FAT3: variants seen among roughly 807,000 people sequenced by gnomAD.
FAT3 encodes FAT atypical cadherin 3.
FAT3 carries 95 observed loss-of-function variants against 310.2 expected under a neutral mutation model. The ratio of observed to expected loss-of-function variants is 0.31; its 90% CI spans 0.26 to 0.36. FAT3 has a LOEUF of 0.36. FAT3 is among the 10% of genes least tolerant of loss of function. FAT3 has a pLI of 1.00. For missense variants in FAT3, 5,408 were observed against 5,715.6 expected, an observed-to-expected ratio of 0.95 and a Z score of 1.74; for synonymous variants, 2,314 against 2,192.9, an observed-to-expected ratio of 1.06 and a Z score of -1.54.
rs372397029 is a variant in FAT3 at position 92,799,274 on chromosome 11, C to T, written c.6261C>T (p.Leu2087=). 3 of 1,613,758 alleles carry T rather than the reference C, an allele frequency of 1.9e-6. No individual in the cohort carries two copies. The African/African-American group carries it at 4.0e-5, about 22-fold the overall frequency. The change falls in exon 10 of 28, where the codon CTC becomes CTT. Residue 2087 remains leucine (L), a synonymous_variant. Coordinates refer to ENST00000525166, the MANE Select transcript of FAT3 (RefSeq NM_001367949.2). ...ACAATTCTCCAGTCTTTGTGGGCCT[C>T]CCATACTATGCTGCTGTTCAAGTGG... The part of the protein sequence containing the change: ...INDNSPVFVG[L]PYYAAVQVDA...
chr11:92,297,018 C>T (rs187839631), intron 1 of FAT3, among the ~76,000 whole-genome samples: 104 of 152,178 alleles, frequency 6.8e-4, no homozygotes, highest in African/African-American at 2.4e-3. Context: ...TAGAGCTTGA[C>T]TTTTAGTTAT....
At chr11:92,333,734 A>T (rs1947980629) in intron 1 of FAT3, among the ~76,000 whole-genome samples, 1 of 148,092 alleles carries the variant, frequency 6.8e-6, no homozygotes, top group Non-Finnish European at 1.5e-5. Context: ...CCTTAAAAGT[A>T]TTTTTTTTTT....
At chr11:92,312,463 A>G (rs1947333249) in intron 1 of FAT3, among the ~76,000 whole-genome samples, 2 of 152,198 alleles carry the variant, frequency 1.3e-5, no homozygotes, top group Non-Finnish European at 2.9e-5. Context: ...CTCTGAAAGT[A>G]GATGAATCAC....
At chr11:92,593,417 C>T (rs138361694) in intron 3 of FAT3, among the ~76,000 whole-genome samples, 34 of 151,504 alleles carry the variant, frequency 2.2e-4, no homozygotes, top group African/African-American at 5.8e-4. Context: ...CTGCAGTGCA[C>T]GTAACAGTTG....
At chr11:92,268,928 A>AT (rs11359060) in intron 1 of FAT3, among the ~76,000 whole-genome samples, 1 of 151,912 alleles carries the variant, frequency 6.6e-6, no homozygotes, top group Non-Finnish European at 1.5e-5. Context: ...TGAAGCTATT[A>AT]TTTTTTTCCA....
At position 92,504,817 on chromosome 11, in the gene FAT3, C is replaced by T. The variant is rs147413308; in HGVS notation, c.3293-19817C>T. Among the ~76,000 whole-genome samples the T allele has an allele frequency of 1.1e-3, 167 of 152,170 alleles. 1 individual carries two copies. Among genetic ancestry groups the T allele is most frequent in the African/African-American group, 3.8e-3 (158 of 41,526 alleles). ...GACAGAAGACGAATAAGACATTGCTCTCCTGTAAAACACTCATTCAATAGT... is the reference window on the plus strand; with the variant it reads ...GACAGAAGACGAATAAGACATTGCTTTCCTGTAAAACACTCATTCAATAGT... On this transcript the variant is annotated intron_variant, in intron 2 of 27. Transcript: ENST00000525166.
chr11:92,682,858 A>G (rs1209305660), intron 3 of FAT3, among the ~76,000 whole-genome samples: 2 of 152,062 alleles, frequency 1.3e-5, no homozygotes, highest in Non-Finnish European at 2.9e-5. Context: ...TGGGCAGATC[A>G]CCTGAGGTCA....
Position 92,456,492 on chromosome 11 carries a change from G to T in FAT3, c.3293-68142G>T, listed in dbSNP as rs151011042. 3.2e-3 allele frequency among the ~76,000 whole-genome samples: 492 copies of T among 152,174 alleles called. 1 individual carries two copies. Among genetic ancestry groups the T allele is most frequent in the Non-Finnish European group, 6.0e-3 (407 of 68,000 alleles). ...AAAAATCACGCAAAACAGCACCACAGAAACTTTTGTTTTCTTATTATAAAA... is the reference window on the plus strand; with the variant it reads ...AAAAATCACGCAAAACAGCACCACATAAACTTTTGTTTTCTTATTATAAAA... On this transcript the variant is annotated intron_variant, in intron 2 of 27. Transcript: ENST00000525166.
chr11:92,792,705 G>T (rs758340515), intron 8 of FAT3, 62 bp from the exon 9 acceptor site: 10 of 1,513,410 alleles, frequency 6.6e-6, no homozygotes, highest in African/African-American at 1.4e-5. Context: ...CCCAAACATA[G>T]CCATGTGAGT....
At chr11:92,318,378 TA>T (rs1947522802) in intron 1 of FAT3, among the ~76,000 whole-genome samples, 1 of 152,180 alleles carries the variant, frequency 6.6e-6, no homozygotes, top group Non-Finnish European at 1.5e-5. Flanking sequence ...TTGTAGCTCA[TA>T]CAGTTCTGGG....
chr11:92,348,159 A>G (rs1050492229), intron 1 of FAT3, among the ~76,000 whole-genome samples: 1 of 152,054 alleles, frequency 6.6e-6, no homozygotes, highest in Non-Finnish European at 1.5e-5. Flanking sequence ...CTTTGCCACA[A>G]TAAAGATACA....
chr11:92,627,689 C>T (rs1941388378), intron 3 of FAT3, among the ~76,000 whole-genome samples: 2 of 152,166 alleles, frequency 1.3e-5, no homozygotes, highest in South Asian at 4.1e-4. Context: ...GGAATTTACT[C>T]TCTTTAGACG....
intron 3 of FAT3, among the ~76,000 whole-genome samples, chr11:92,604,212 A>C (rs1246676239): frequency 6.6e-6 from 1 of 152,238 alleles, no homozygotes; most frequent in African/African-American, 2.4e-5. Context: ...CTGAGCAGAT[A>C]GCAAAATATG....
At position 92,798,632 on chromosome 11, in the gene FAT3, G is replaced by C. The variant is rs757366551; in HGVS notation, c.5619G>C (p.Val1873=). 1 of 1,613,804 alleles carries C rather than the reference G, an allele frequency of 6.2e-7. No individual in the cohort carries two copies. Among genetic ancestry groups the C allele is most frequent in the South Asian group, 1.1e-5 (1 of 91,042 alleles). The change falls in exon 10 of 28, where the codon GTG becomes GTC. Residue 1873 remains valine, a synonymous_variant. Coordinates refer to ENST00000525166, the MANE Select transcript of FAT3 (RefSeq NM_001367949.2). ...AESPVEVNIE[V]TDVNDNPPVF... Reference sequence around the variant, plus strand: ...GTCCCGTTGAAGTCAACATTGAGGTGACAGATGTGAATGATAACCCACCTG... The same window carrying C: ...GTCCCGTTGAAGTCAACATTGAGGTCACAGATGTGAATGATAACCCACCTG...
chr11:92,809,208 C>T (rs145280761), intron 12 of FAT3, among the ~76,000 whole-genome samples: 74 of 152,272 alleles, frequency 4.9e-4, no homozygotes, highest in Non-Finnish European at 8.7e-4. Flanking sequence ...ACTGCTTTTC[C>T]ATGCTCCTCA....
At chr11:92,813,766 T>C (rs1172568771) in intron 13 of FAT3, among the ~76,000 whole-genome samples, 3 of 152,246 alleles carry the variant, frequency 2.0e-5, no homozygotes, top group Non-Finnish European at 4.4e-5. Flanking sequence ...CTGCTGAAGA[T>C]CATTGGCTAC....
intron 19 of FAT3, 51 bp downstream of exon 19, chr11:92,844,783 G>T: frequency 1.4e-6 from 2 of 1,446,722 alleles, no homozygotes; most frequent in South Asian, 2.9e-5. Context: ...TGTAGGAGTA[G>T]AATGAGTTAC....
chr11:92,664,561 C>G (rs1232401363), intron 3 of FAT3, among the ~76,000 whole-genome samples: 1 of 152,118 alleles, frequency 6.6e-6, no homozygotes, highest in Non-Finnish European at 1.5e-5. Context: ...AAACATCTAA[C>G]ACAATATCTG....
chr11:92,837,598 C>T (rs1196393591), intron 16 of FAT3, 65 bp from the exon 17 acceptor site: 1 of 1,573,778 alleles, frequency 6.4e-7, no homozygotes, highest in Non-Finnish European at 8.7e-7. Context: ...TCCAGTTCCT[C>T]TGTGTGTGCA....
Sources: gnomAD v4.1 joint callset for allele counts (sites outside exome capture counted in the v4.1 genomes callset) on GRCh38, gnomAD v4.1.1 for gene constraint, MANE v1.5 for transcripts, NCBI Gene and HGNC (gene_info 2026-07-23, HGNC 2026-07-21) for gene names.